HS3ST4: variants seen among roughly 807,000 people sequenced by gnomAD.
The protein encoded by HS3ST4 is heparan sulfate glucosamine 3-O-sulfotransferase 4.
Under a neutral mutation model 29.2 loss-of-function variants are expected in HS3ST4, and 17 were observed. The observed-to-expected ratio is 0.58, with a 90% CI of 0.40 to 0.87. The LOEUF is 0.87. Among genes scored for constraint, HS3ST4 ranks in the 40% least tolerant of loss-of-function variants. HS3ST4 has a pLI of 0.00. For missense variants in HS3ST4, 627 were observed against 634.5 expected (o/e 0.99, Z 0.13); for synonymous variants, 314 against 285.7 (o/e 1.10, Z -1.00).
intron 1 of HS3ST4, among the ~76,000 whole-genome samples, chr16:26,027,628 G>A (rs1003129935): frequency 1.1e-4 from 16 of 152,228 alleles, no homozygotes; most frequent in Admixed American, 8.5e-4. Context: ...AGAATTTGGT[G>A]AGAACAGCTT....
chr16:26,038,391 A>G (rs1381337464), intron 1 of HS3ST4, among the ~76,000 whole-genome samples: 1 of 152,094 alleles, frequency 6.6e-6, no homozygotes, highest in African/African-American at 2.4e-5. Context: ...TATACTGCCT[A>G]TCTAGACAGA....
intron 1 of HS3ST4, among the ~76,000 whole-genome samples, chr16:25,781,603 C>T (rs1014064063): frequency 1.1e-4 from 16 of 152,096 alleles, no homozygotes; most frequent in African/African-American, 9.7e-5. Context: ...TAGGAGCTGC[C>T]GTTACCTGCA....
At chr16:25,927,967 A>G (rs111691847) in intron 1 of HS3ST4, among the ~76,000 whole-genome samples, 11,474 of 134,528 alleles carry the variant, frequency 0.085, 541 homozygotes, top group South Asian at 0.11. Context: ...CTGAGGCTGG[A>G]GTGGGAGGAT....
chr16:25,712,891 AAGTT>A (rs1219316684), intron 1 of HS3ST4, among the ~76,000 whole-genome samples: 1 of 152,106 alleles, frequency 6.6e-6, no homozygotes, highest in Non-Finnish European at 1.5e-5. Flanking sequence ...TAGAGTTGGA[AAGTT>A]AGTTTCTTCT....
Position 25,692,205 on chromosome 16 carries a change from G to C in HS3ST4, c.-213G>C, listed in dbSNP as rs1403929749. The C allele has an allele frequency of 6.7e-6, 1 of 149,876 alleles. No homozygotes were observed. The highest frequency in any genetic ancestry group is 6.7e-5 in the Admixed American group (1 of 15,020). The allele number at this position is 149,876 out of a possible 1,614,324, so 9.3% of individuals were successfully genotyped here. A position where few individuals can be genotyped will look rare whatever the true frequency, so the allele number is the denominator to read the frequency against. On this transcript the variant is annotated 5_prime_UTR_variant, in exon 1 of 2. Coordinates refer to ENST00000331351, the MANE Select transcript of HS3ST4 (RefSeq NM_006040.3). ...CACCCGGACTCGGCGGGCAGCGTGG[G>C]GCGGGGGGCCATGCGGCCGGGCTCC...
chr16:25,789,476 T>C (rs1048918993), intron 1 of HS3ST4, among the ~76,000 whole-genome samples: 8 of 144,352 alleles, frequency 5.5e-5, no homozygotes, highest in Non-Finnish European at 1.2e-4. Flanking sequence ...CCTTCTTTCT[T>C]TCTTTCTCTT....
At chr16:25,831,419 AC>A (rs1967298094) in intron 1 of HS3ST4, among the ~76,000 whole-genome samples, 1 of 148,988 alleles carries the variant, frequency 6.7e-6, no homozygotes, top group Non-Finnish European at 1.5e-5. Flanking sequence ...ACACACACAC[AC>A]ACACACACAC....
chr16:25,907,449 C>T (rs1011273354), intron 1 of HS3ST4, among the ~76,000 whole-genome samples: 4 of 152,180 alleles, frequency 2.6e-5, no homozygotes, highest in Admixed American at 2.0e-4. Context: ...ACATTCCAGC[C>T]ATGCACCTTG....
At chr16:25,815,974 C>G (rs759913991) in intron 1 of HS3ST4, among the ~76,000 whole-genome samples, 86 of 152,096 alleles carry the variant, frequency 5.7e-4, no homozygotes, top group Non-Finnish European at 1.1e-3. Context: ...ATAACATAAT[C>G]AATTTACATG....
intron 1 of HS3ST4, among the ~76,000 whole-genome samples, chr16:26,115,328 A>G (rs983111085): frequency 6.6e-6 from 1 of 151,940 alleles, no homozygotes. Flanking sequence ...AGATGCCAAC[A>G]TGAGAGAGTA....
At position 25,737,485 on chromosome 16, in the gene HS3ST4, C is replaced by T. The variant is rs116226654; in HGVS notation, c.734+44334C>T. On this transcript the variant is annotated intron_variant, in intron 1 of 1. Transcript: ENST00000331351. ...GGCCATGATTTTAAGTGAAACATCTCGTAAACAGAAAGTCAAATACTGCAT... is the reference window on the plus strand; with the variant it reads ...GGCCATGATTTTAAGTGAAACATCTTGTAAACAGAAAGTCAAATACTGCAT... 3.4e-3 allele frequency among the ~76,000 whole-genome samples: 514 copies of T among 152,140 alleles called. 4 individuals are homozygous for T. Among genetic ancestry groups the T allele is most frequent in the African/African-American group, 0.012 (493 of 41,480 alleles).
chr16:26,125,699 A>T (rs1899333771), intron 1 of HS3ST4, among the ~76,000 whole-genome samples: 1 of 152,206 alleles, frequency 6.6e-6, no homozygotes, highest in Non-Finnish European at 1.5e-5. Context: ...CTATGTCCTT[A>T]GTCCTCACTG....
intron 1 of HS3ST4, among the ~76,000 whole-genome samples, chr16:25,743,404 G>T (rs1012389340): frequency 1.3e-5 from 2 of 152,166 alleles, no homozygotes; most frequent in African/African-American, 4.8e-5. Flanking sequence ...AAAATGTTAG[G>T]TATTTATTTT....
chr16:25,844,167 C>T (rs1967442306), intron 1 of HS3ST4, among the ~76,000 whole-genome samples: 2 of 152,130 alleles, frequency 1.3e-5, no homozygotes, highest in South Asian at 4.2e-4. Flanking sequence ...CCGTGTTGTC[C>T]CCTCCCTGGT....
At chr16:25,716,407 T>A (rs1451238549) in intron 1 of HS3ST4, among the ~76,000 whole-genome samples, 1 of 152,206 alleles carries the variant, frequency 6.6e-6, no homozygotes, top group Non-Finnish European at 1.5e-5. Context: ...TGGCAACTTC[T>A]GGGAAACAGC....
At chr16:26,017,774 G>A (rs527689026) in intron 1 of HS3ST4, among the ~76,000 whole-genome samples, 39 of 152,268 alleles carry the variant, frequency 2.6e-4, no homozygotes, top group African/African-American at 9.4e-4. Flanking sequence ...AATAGGGATA[G>A]AACATAGGGT....
intron 1 of HS3ST4, among the ~76,000 whole-genome samples, chr16:25,850,155 A>G (rs1967503770): frequency 6.6e-6 from 1 of 151,830 alleles, no homozygotes; most frequent in African/African-American, 2.4e-5. Context: ...ATGCACCACC[A>G]TGCCTGGCTA....
intron 1 of HS3ST4, among the ~76,000 whole-genome samples, chr16:25,829,052 A>G (rs542018377): frequency 5.3e-5 from 8 of 152,350 alleles, no homozygotes; most frequent in Non-Finnish European, 1.0e-4. Context: ...GACAGAGGCA[A>G]TCACGTTATC....
At chr16:26,034,601 T>C (rs1487984407) in intron 1 of HS3ST4, among the ~76,000 whole-genome samples, 1 of 151,096 alleles carries the variant, frequency 6.6e-6, no homozygotes, top group Non-Finnish European at 1.5e-5. Flanking sequence ...AGACATATTC[T>C]AGTTCATCCA....
Sources: gnomAD v4.1 joint callset for allele counts (sites outside exome capture counted in the v4.1 genomes callset) on GRCh38, gnomAD v4.1.1 for gene constraint, MANE v1.5 for transcripts, NCBI Gene and HGNC (gene_info 2026-07-23, HGNC 2026-07-21) for gene names.